The following ZNF385D variants were observed in gnomAD, a reference collection of about 807,000 sequenced individuals.
ZNF385D encodes zinc finger protein 659.
A neutral mutation model predicts 35.8 loss-of-function variants in ZNF385D; 15 were observed. That is an observed-to-expected ratio of 0.42 (90% CI 0.28 to 0.64). The LOEUF is 0.64. ZNF385D is among the 30% of genes least tolerant of loss of function. ZNF385D has a pLI of 0.23. For missense variants in ZNF385D, 474 were observed against 494.6 expected, an observed-to-expected ratio of 0.96 and a Z score of 0.39; for synonymous variants, 212 against 186.8, an observed-to-expected ratio of 1.13 and a Z score of -1.10.
intron 2 of ZNF385D, among the ~76,000 whole-genome samples, chr3:22,209,764 T>C (rs1314469436): frequency 5.5e-3 from 1 of 182 alleles, no homozygotes; most frequent in African/African-American, 0.019. Flanking sequence ...AGAACAATCA[T>C]TTTTTTTTTC....
chr3:21,919,929 A>C (rs1684525), intron 3 of ZNF385D, among the ~76,000 whole-genome samples: 136,454 of 152,198 alleles, frequency 0.9, 61,224 homozygotes, highest in East Asian at 0.98. Context: ...CGTGTGCCTT[A>C]CTCTAAGCTC....
chr3:21,648,508 T>C (rs2065819896), intron 2 of ZNF385D, among the ~76,000 whole-genome samples: 1 of 152,184 alleles, frequency 6.6e-6, no homozygotes, highest in African/African-American at 2.4e-5. Context: ...TGCAAATTGC[T>C]TCTTGCACAA....
intron 3 of ZNF385D, 130 bp from the exon 4 acceptor site, chr3:21,511,153 A>G: frequency 9.2e-7 from 1 of 1,089,944 alleles, no homozygotes. Flanking sequence ...GTGGCCAGAC[A>G]GTGGGGTTCT....
At chr3:21,852,808 T>A (rs1696464951) in intron 3 of ZNF385D, among the ~76,000 whole-genome samples, 1 of 151,810 alleles carries the variant, frequency 6.6e-6, no homozygotes. Flanking sequence ...GGAAGACGGA[T>A]TAGGATATTG....
At chr3:22,231,467 C>G (rs780884714) in intron 2 of ZNF385D, among the ~76,000 whole-genome samples, 1 of 152,170 alleles carries the variant, frequency 6.6e-6, no homozygotes, top group South Asian at 2.1e-4. Flanking sequence ...AATCCTTGAC[C>G]TGACAAACAG....
At chr3:22,093,881 G>T (rs980410187) in intron 3 of ZNF385D, among the ~76,000 whole-genome samples, 1 of 152,076 alleles carries the variant, frequency 6.6e-6, no homozygotes, top group Middle Eastern at 3.4e-3. Context: ...CGTTAAGCTC[G>T]CTAACACTTT....
intron 3 of ZNF385D, among the ~76,000 whole-genome samples, chr3:22,079,516 T>C (rs1700635105): frequency 1.3e-5 from 2 of 151,944 alleles, no homozygotes; most frequent in Admixed American, 1.3e-4. Flanking sequence ...TTAATGGTAA[T>C]TACCAATTAG....
At chr3:21,532,064 C>T (rs1285265862) in intron 3 of ZNF385D, among the ~76,000 whole-genome samples, 2 of 146,106 alleles carry the variant, frequency 1.4e-5, no homozygotes, top group African/African-American at 2.6e-5. Context: ...AAAATAAAGT[C>T]GGGAGAGAGA....
chr3:21,947,645 C>T (rs773045916), intron 3 of ZNF385D, among the ~76,000 whole-genome samples: 12 of 152,052 alleles, frequency 7.9e-5, no homozygotes, highest in East Asian at 5.8e-4. Flanking sequence ...CCACCGCGCC[C>T]GGCTATAAGT....
intron 3 of ZNF385D, among the ~76,000 whole-genome samples, chr3:21,520,781 C>T (rs975996147): frequency 2.0e-5 from 3 of 152,124 alleles, no homozygotes; most frequent in African/African-American, 7.2e-5. Flanking sequence ...TAAGGGTTAT[C>T]TAAAAGACAA....
At chr3:21,590,813 T>C (rs1010269323) in intron 2 of ZNF385D, among the ~76,000 whole-genome samples, 3 of 152,124 alleles carry the variant, frequency 2.0e-5, no homozygotes, top group Non-Finnish European at 4.4e-5. Context: ...TTCCATTATA[T>C]TTTTTAGAAA....
intron 3 of ZNF385D, among the ~76,000 whole-genome samples, chr3:21,524,491 T>C (rs551999404): frequency 6.6e-6 from 1 of 152,346 alleles, no homozygotes; most frequent in African/African-American, 2.4e-5. Flanking sequence ...TGAAAGTGCT[T>C]AAGATCTTAA....
At chr3:22,120,112 G>A (rs1703013085) in intron 3 of ZNF385D, among the ~76,000 whole-genome samples, 1 of 151,502 alleles carries the variant, frequency 6.6e-6, no homozygotes, top group Non-Finnish European at 1.5e-5. Context: ...TTACAGGTGT[G>A]ATTCACCATG....
At chr3:22,168,971 T>C (rs2272362) in exon 3 of ZNF385D, 193,915 of 985,558 alleles carry the variant, frequency 0.2, 19,323 homozygotes, top group African/African-American at 0.21. Context: ...CTCTTTCTGG[T>C]TTTTCTTCAA....
intron 2 of ZNF385D, among the ~76,000 whole-genome samples, chr3:22,352,723 A>C (rs919556163): frequency 2.0e-5 from 3 of 152,168 alleles, no homozygotes; most frequent in Non-Finnish European, 4.4e-5. Context: ...CATTCACTCT[A>C]AACATATTCA....
chr3:22,328,589 C>T (rs1279605762), intron 2 of ZNF385D, among the ~76,000 whole-genome samples: 1 of 151,354 alleles, frequency 6.6e-6, no homozygotes, highest in African/African-American at 2.4e-5. Context: ...ACGGTGAAAC[C>T]TCACCTCTAC....
chr3:21,767,085 CAT>C (rs1172883358), intron 3 of ZNF385D, among the ~76,000 whole-genome samples: 4 of 149,152 alleles, frequency 2.7e-5, no homozygotes, highest in Non-Finnish European at 5.9e-5. Flanking sequence ...CTCACACACA[CAT>C]GTGCACACTC....
At chr3:22,369,990 T>A (rs1696828566) in intron 2 of ZNF385D, among the ~76,000 whole-genome samples, 1 of 152,212 alleles carries the variant, frequency 6.6e-6, no homozygotes, top group Non-Finnish European at 1.5e-5. Flanking sequence ...ATGTGACTCA[T>A]CTAATCTTCG....
At chr3:22,140,537 C>T (rs1245748604) in intron 3 of ZNF385D, among the ~76,000 whole-genome samples, 3 of 152,046 alleles carry the variant, frequency 2.0e-5, no homozygotes, top group Non-Finnish European at 4.4e-5. Context: ...CCCCCAAAAA[C>T]ATGTAAAAGC....
Sources: gnomAD v4.1 joint callset for allele counts (sites outside exome capture counted in the v4.1 genomes callset) on GRCh38, gnomAD v4.1.1 for gene constraint, MANE v1.5 for transcripts, NCBI Gene and HGNC (gene_info 2026-07-23, HGNC 2026-07-21) for gene names.